Variants in PIAS1 observed in about 807,000 individuals in gnomAD.
The protein encoded by PIAS1 is E3 SUMO-protein ligase PIAS1.
A neutral mutation model predicts 71.3 loss-of-function variants in PIAS1; 6 were observed. The ratio of observed to expected loss-of-function variants is 0.08; its 90% CI spans 0.05 to 0.17. The LOEUF (loss-of-function observed/expected upper bound fraction) is 0.17, where lower values mean the gene tolerates loss of function less well. Among genes scored for constraint, PIAS1 ranks in the 10% least tolerant of loss-of-function variants. The probability of loss-of-function intolerance (pLI) is 1.00; values close to 1 mark genes in which losing one functional copy is unlikely to be tolerated. For missense variants in PIAS1, 555 were observed against 793.6 expected, an observed-to-expected ratio of 0.70 and a Z score of 3.61; for synonymous variants, 303 against 292.9, an observed-to-expected ratio of 1.03 and a Z score of -0.35.
At chr15:68,118,329 A>AG in intron 2 of PIAS1, among the ~76,000 whole-genome samples, 1 of 150,920 alleles carries the variant, frequency 6.6e-6, no homozygotes, top group East Asian at 1.9e-4. Context: ...TCAAAAAAAA[A>AG]AAAAAAATAA....
In PIAS1 at chr15:68,171,256, A is replaced by G. The variant is rs926708782; in HGVS notation, c.1009-2476A>G. 2.0e-5 allele frequency among the ~76,000 whole-genome samples: 3 copies of G among 152,196 alleles called. No homozygotes were observed. Among genetic ancestry groups the G allele is most frequent in the African/African-American group, 7.2e-5 (3 of 41,454 alleles). On this transcript the variant is annotated intron_variant, in intron 8 of 13. Transcript: ENST00000249636. This position sits in a 1 kb window ranked among gnomAD's most constrained non-coding sequence, Gnocchi z 4.4. ...AACGTCTTCAGTGGCAGTAACAGAC[A>G]TGGAGCTGTTCTCTCTTATGGTAAC...
chr15:68,179,564 C>T (rs7173235), intron 11 of PIAS1, among the ~76,000 whole-genome samples: 640 of 40,070 alleles, frequency 0.016, 6 homozygotes, highest in African/African-American at 0.039. Flanking sequence ...GTGAAATGTT[C>T]TTTTTTTTTT....
At chr15:68,093,055 C>T (rs938942480) in intron 2 of PIAS1, among the ~76,000 whole-genome samples, 4 of 152,044 alleles carry the variant, frequency 2.6e-5, no homozygotes, top group Non-Finnish European at 4.4e-5. Flanking sequence ...GTGATGACTT[C>T]GCAGTTTTAG....
chr15:68,142,938 A>G (rs530839743), intron 4 of PIAS1, among the ~76,000 whole-genome samples: 1 of 152,238 alleles, frequency 6.6e-6, no homozygotes, highest in African/African-American at 2.4e-5. Flanking sequence ...AAAATGTTCA[A>G]AGACTAATGG....
At chr15:68,099,368 A>G (rs954658032) in intron 2 of PIAS1, among the ~76,000 whole-genome samples, 3 of 151,168 alleles carry the variant, frequency 2.0e-5, no homozygotes, top group African/African-American at 7.3e-5. Context: ...ACTTTGTGAT[A>G]TAAGTTGTGA....
intron 1 of PIAS1, among the ~76,000 whole-genome samples, chr15:68,057,188 A>G (rs778404421): frequency 4.5e-4 from 69 of 152,356 alleles, no homozygotes; most frequent in Non-Finnish European, 7.2e-4. Context: ...AGATATTGCC[A>G]ATAAAAATTA....
Position 68,176,523 on chromosome 15 carries a change from C to G in PIAS1, c.1350C>G (p.Ser450=), listed in dbSNP as rs776075983. Residue 450 remains serine (S), a synonymous_variant, in exon 11 of 14, where the codon TCC becomes TCG. Transcript: ENST00000249636. ...LEHQVASHHQ[S]SNKNKKVEVI... ...ATCAGGTAGCGTCTCACCACCAGTC[C>G]TCAAATAAAAACAAGAAAGTAGAAG... 23 of 1,612,044 alleles carry G rather than the reference C, an allele frequency of 1.4e-5. 1 individual carries two copies. The South Asian group carries it at 2.4e-4, about 17-fold the overall frequency.
At position 68,142,318 on chromosome 15, in the gene PIAS1, A is replaced by C; in HGVS notation, c.583A>C (p.Thr195Pro). 6.2e-7 allele frequency: 1 copy of C among 1,604,832 alleles called. No individual in the cohort carries two copies. Among genetic ancestry groups the C allele is most frequent in the Non-Finnish European group, 8.5e-7 (1 of 1,172,058 alleles). Residue 195 changes from threonine (T) to proline (P), a missense_variant, in exon 4 of 14, where the codon ACA becomes CCA. Physicochemically the swap from Thr to Pro is conservative, Grantham distance 38. Transcript: ENST00000249636. ...MDISGTKCDFTVQVQLRFCLS... is the reference protein window; with the variant it reads ...MDISGTKCDFPVQVQLRFCLS... ...TATTTCTGGGACCAAATGTGACTTC[A>C]CAGTACAGGTCCAGTTAAGGTACAG...
intron 2 of PIAS1, among the ~76,000 whole-genome samples, chr15:68,096,221 C>CA (rs1175546652): frequency 6.6e-6 from 1 of 152,088 alleles, no homozygotes; most frequent in Non-Finnish European, 1.5e-5. Context: ...ACAGCCTTGT[C>CA]AGAGATCATT....
At chr15:68,124,479 T>C (rs2092636183) in intron 2 of PIAS1, among the ~76,000 whole-genome samples, 1 of 152,034 alleles carries the variant, frequency 6.6e-6, no homozygotes, top group African/African-American at 2.4e-5. Context: ...CCCAGCACTT[T>C]GGGAGGCCGA....
In PIAS1 at chr15:68,074,188, G is replaced by A. The variant is rs189190765; in HGVS notation, c.25-12118G>A. ...TTTGGAAATTGTTAATTTAGAGATA[G>A]CGTTTTGAAGTTACGAGTGGATGAG... On this transcript the variant is annotated intron_variant, in intron 1 of 13. Coordinates refer to ENST00000249636, the MANE Select transcript of PIAS1 (RefSeq NM_016166.3). 1.9e-3 allele frequency among the ~76,000 whole-genome samples: 283 copies of A among 152,334 alleles called. 1 individual carries two copies. The highest frequency in any genetic ancestry group is 6.3e-3 in the Admixed American group (96 of 15,304).
At chr15:68,180,336 A>G (rs1196084003) in intron 11 of PIAS1, among the ~76,000 whole-genome samples, 3 of 152,062 alleles carry the variant, frequency 2.0e-5, no homozygotes, top group Non-Finnish European at 2.9e-5. Flanking sequence ...GGCTGAAACT[A>G]TCCTTCTGCC....
rs991797996 is a variant in PIAS1, at chr15:68,193,250, CCAGT to C, written c.*5418_*5421del. The C allele has an allele frequency of 6.6e-6, 1 of 152,292 alleles. No homozygotes were observed. The highest frequency in any genetic ancestry group is 2.4e-5 in the African/African-American group (1 of 41,434). The allele number at this position is 152,292 out of a possible 1,614,324, so 9.4% of individuals were successfully genotyped here. On this transcript the variant is annotated 3_prime_UTR_variant, in exon 14 of 14. Coordinates refer to ENST00000249636, the MANE Select transcript of PIAS1 (RefSeq NM_016166.3). ...AGCCCCCTTCTTGAGCTCTGCAAGG[CCAGT>C]CAATTTAGCAGCTCACATCTGGTTT...
At position 68,173,100 on chromosome 15, in the gene PIAS1, C is replaced by G. The variant is rs578187559; in HGVS notation, c.1009-632C>G. Among the ~76,000 whole-genome samples the G allele has an allele frequency of 1.3e-5, 2 of 152,354 alleles. No individual in the cohort carries two copies. The highest frequency in any genetic ancestry group is 4.8e-5 in the African/African-American group (2 of 41,588). On this transcript the variant is annotated intron_variant, in intron 8 of 13. Transcript: ENST00000249636. The surrounding 1 kb of genome is among the most constrained non-coding windows in gnomAD (Gnocchi z 4.3). ...AGACTGATAGCAAATATCAATGCAT[C>G]TCTGTATTGTGCAGTATTTAATAGG...
At chr15:68,099,955 A>G (rs1017436941) in intron 2 of PIAS1, among the ~76,000 whole-genome samples, 7 of 152,114 alleles carry the variant, frequency 4.6e-5, no homozygotes, top group Admixed American at 1.3e-4. Context: ...ATGTCTGTGC[A>G]TATTTTTCTC....
chr15:68,153,538 T>A, intron 6 of PIAS1, 52 bp from the exon 7 acceptor site: 1 of 782,202 alleles, frequency 1.3e-6, no homozygotes, highest in Admixed American at 2.3e-5. Context: ...TTAAAATAGA[T>A]GTACTATTTA....
At chr15:68,069,341 C>G (rs748499112) in intron 1 of PIAS1, among the ~76,000 whole-genome samples, 1 of 152,134 alleles carries the variant, frequency 6.6e-6, no homozygotes, top group East Asian at 1.9e-4. Flanking sequence ...CTTACGCTCC[C>G]CTCCTCCTTC....
intron 7 of PIAS1, 62 bp from the exon 8 acceptor site, chr15:68,164,669 C>G: frequency 2.4e-6 from 2 of 842,132 alleles, no homozygotes; most frequent in South Asian, 1.5e-5. Context: ...TAGTAATGCT[C>G]CAGTAATGTA....
chr15:68,175,249 T>A (rs1368863956), intron 9 of PIAS1, among the ~76,000 whole-genome samples: 1 of 152,224 alleles, frequency 6.6e-6, no homozygotes, highest in Non-Finnish European at 1.5e-5. Flanking sequence ...TATTTGTATA[T>A]GTTTTGCTTT....
Sources: gnomAD v4.1 joint callset for allele counts (sites outside exome capture counted in the v4.1 genomes callset) on GRCh38, gnomAD v4.1.1 for gene constraint, Gnocchi (gnomAD v3.1) non-coding constraint, MANE v1.5 for transcripts, NCBI Gene and HGNC (gene_info 2026-07-23, HGNC 2026-07-21) for gene names.